Variants in CLVS1 observed in about 807,000 individuals in gnomAD.
CLVS1 encodes clavesin 1, also known as clavesin-1.
Under a neutral mutation model 33.1 loss-of-function variants are expected in CLVS1, and 10 were observed. The ratio of observed to expected loss-of-function variants is 0.30; its 90% CI spans 0.19 to 0.51. The LOEUF is 0.51. CLVS1 is among the 20% of genes least tolerant of loss of function. CLVS1 has a pLI of 0.97. For missense variants in CLVS1, 343 were observed against 433.4 expected (o/e 0.79, Z 1.85); for synonymous variants, 163 against 166.1 (o/e 0.98, Z 0.14).
rs546525365 is a variant in CLVS1, at chr8:61,500,653, A to T, written c.*1111A>T. On this transcript the variant is annotated 3_prime_UTR_variant, in exon 6 of 6. Coordinates refer to ENST00000325897, the MANE Select transcript of CLVS1 (RefSeq NM_173519.3). ...ATCAGACATAAAATAAACAGACATC[A>T]TATATGATATCCTTACTTGTGCCAT... 2.3e-4 allele frequency: 35 copies of T among 152,338 alleles called. 1 individual carries two copies. Among genetic ancestry groups the T allele is most frequent in the Admixed American group, 1.7e-3 (26 of 15,302 alleles). The allele number at this position is 152,338 out of a possible 1,614,324, so 9.4% of individuals were successfully genotyped here. A position where few individuals can be genotyped will look rare whatever the true frequency, so the allele number is the denominator to read the frequency against.
intron 1 of CLVS1, among the ~76,000 whole-genome samples, chr8:61,085,990 C>G (rs1380528369): frequency 8.0e-6 from 1 of 124,854 alleles, no homozygotes; most frequent in Non-Finnish European, 1.6e-5. Context: ...GAGCCGAGAT[C>G]ACGCCACTGC....
chr8:61,049,216 G>A, the CLVS1 span, among the ~76,000 whole-genome samples: 1 of 152,158 alleles, frequency 6.6e-6, no homozygotes, highest in African/African-American at 2.4e-5. Context: ...AACAATCATG[G>A]CCCTCTCACT....
intron 2 of CLVS1, among the ~76,000 whole-genome samples, chr8:61,263,111 C>T (rs1381366581): frequency 2.0e-5 from 3 of 152,024 alleles, no homozygotes; most frequent in African/African-American, 7.3e-5. Context: ...GAAAAATGAC[C>T]CAAAGATGTC....
chr8:61,438,998 C>T (rs755574849), intron 3 of CLVS1, among the ~76,000 whole-genome samples: 1 of 152,122 alleles, frequency 6.6e-6, no homozygotes, highest in Non-Finnish European at 1.5e-5. Context: ...ATTATACTTG[C>T]TTATTGCAAA....
intron 2 of CLVS1, among the ~76,000 whole-genome samples, chr8:61,354,122 G>T (rs889380173): frequency 5.3e-5 from 8 of 151,850 alleles, no homozygotes; most frequent in African/African-American, 1.9e-4. Flanking sequence ...GACACTTCTG[G>T]GCCCACGTGC....
chr8:61,479,911 C>T (rs1402813056), intron 5 of CLVS1, among the ~76,000 whole-genome samples: 1 of 152,076 alleles, frequency 6.6e-6, no homozygotes, highest in East Asian at 1.9e-4. Flanking sequence ...ATTGGTGAAC[C>T]GCAAATGCTG....
intron 3 of CLVS1, among the ~76,000 whole-genome samples, chr8:61,426,916 G>C (rs972676506): frequency 1.3e-5 from 2 of 152,142 alleles, no homozygotes; most frequent in African/African-American, 4.8e-5. Context: ...AAATTAAAAG[G>C]CAGTTGTTAG....
At chr8:61,164,129 G>A (rs1806808128) in intron 2 of CLVS1, among the ~76,000 whole-genome samples, 2 of 152,084 alleles carry the variant, frequency 1.3e-5, no homozygotes, top group Admixed American at 6.5e-5. Context: ...GTATTTTAGT[G>A]AGCCCTCTTT....
upstream of CLVS1, among the ~76,000 whole-genome samples, chr8:61,286,280 A>G (rs867315867): frequency 6.6e-6 from 1 of 152,160 alleles, no homozygotes. Flanking sequence ...ATAGGGCTGG[A>G]AAGTGTGGGC....
At chr8:61,396,826 C>A (rs1214951503) in intron 3 of CLVS1, among the ~76,000 whole-genome samples, 2 of 152,164 alleles carry the variant, frequency 1.3e-5, no homozygotes, top group Non-Finnish European at 2.9e-5. Context: ...TTTCTCTCAG[C>A]ATAATGTTTT....
intron 1 of CLVS1, among the ~76,000 whole-genome samples, chr8:61,119,620 C>T (rs1452907112): frequency 1.3e-5 from 2 of 149,698 alleles, no homozygotes; most frequent in African/African-American, 2.5e-5. Flanking sequence ...TTGATTTCTC[C>T]TTCGCTTATG....
intron 3 of CLVS1, among the ~76,000 whole-genome samples, chr8:61,405,948 T>C (rs1158459839): frequency 1.3e-5 from 2 of 152,190 alleles, no homozygotes; most frequent in African/African-American, 2.4e-5. Flanking sequence ...GAAATTTCTT[T>C]GCATATACTA....
intron 3 of CLVS1, among the ~76,000 whole-genome samples, chr8:61,430,135 TAAAAC>T (rs1210084227): frequency 1.3e-5 from 2 of 152,202 alleles, no homozygotes; most frequent in African/African-American, 2.4e-5. Flanking sequence ...GTTGTGCCCT[TAAAAC>T]AACACTCAGA....
chr8:61,385,774 A>C (rs995849886), intron 3 of CLVS1, among the ~76,000 whole-genome samples: 2 of 152,152 alleles, frequency 1.3e-5, no homozygotes, highest in Admixed American at 6.5e-5. Context: ...CGTGACCTCT[A>C]GTGTCTGCGT....
intron 1 of CLVS1, among the ~76,000 whole-genome samples, chr8:61,127,711 A>G (rs565488835): frequency 6.6e-6 from 1 of 152,330 alleles, no homozygotes; most frequent in Non-Finnish European, 1.5e-5. Flanking sequence ...TTGAATATAT[A>G]TATTTTTCTT....
rs1285083667 is a variant in CLVS1 at position 61,378,551 on chromosome 8, G to T, written c.630+1772G>T. On this transcript the variant is annotated intron_variant, in intron 3 of 5. Transcript: ENST00000325897. ...CAAGACGAATTTCATAATGTCCTATGGCTTTGGTTAAGGAACAGCCCACCT... is the reference window on the plus strand; with the variant it reads ...CAAGACGAATTTCATAATGTCCTATTGCTTTGGTTAAGGAACAGCCCACCT... 2.0e-5 allele frequency among the ~76,000 whole-genome samples: 3 copies of T among 151,734 alleles called. No individual in the cohort carries two copies. In the East Asian group the frequency reaches 5.8e-4, roughly 29 times the overall value.
At chr8:61,477,644 A>G (rs1004619548) in intron 5 of CLVS1, among the ~76,000 whole-genome samples, 1 of 152,156 alleles carries the variant, frequency 6.6e-6, no homozygotes, top group African/African-American at 2.4e-5. Context: ...CAGTGGTGAT[A>G]TCCCCTTTGT....
chr8:61,150,919 CA>C (rs1414206460), intron 2 of CLVS1, among the ~76,000 whole-genome samples: 1 of 152,182 alleles, frequency 6.6e-6, no homozygotes, highest in African/African-American at 2.4e-5. Context: ...CTACCTGCAG[CA>C]GGTGAGTTGG....
the CLVS1 span, among the ~76,000 whole-genome samples, chr8:61,026,563 G>T: frequency 1.3e-5 from 2 of 152,150 alleles, no homozygotes; most frequent in African/African-American, 4.8e-5. Flanking sequence ...TGCATTAAAC[G>T]AGGCCCTTGG....
Sources: allele counts gnomAD v4.1 joint callset (sites outside exome capture counted in the v4.1 genomes callset), GRCh38; gene constraint gnomAD v4.1.1; transcripts MANE v1.5; gene names NCBI Gene and HGNC (gene_info 2026-07-23, HGNC 2026-07-21).